Variants in CCDC91 observed in about 807,000 individuals in gnomAD.
CCDC91 encodes the protein coiled-coil domain-containing protein 91.
A neutral mutation model predicts 63.2 loss-of-function variants in CCDC91; 48 were observed. The ratio of observed to expected loss-of-function variants is 0.76; its 90% CI spans 0.60 to 0.97. The LOEUF (loss-of-function observed/expected upper bound fraction) is 0.97. Ranked by LOEUF, CCDC91 falls within the 50% of genes least tolerant of loss-of-function variation. The probability of loss-of-function intolerance (pLI) is 0.00; values close to 1 mark genes in which losing one functional copy is unlikely to be tolerated. For synonymous variants in CCDC91, 167 were observed against 165.8 expected (o/e 1.01, Z -0.06); for missense variants, 500 against 494.6 (o/e 1.01, Z -0.10).
At chr12:28,413,985 G>T (rs1016588378) in intron 8 of CCDC91, among the ~76,000 whole-genome samples, 1 of 152,144 alleles carries the variant, frequency 6.6e-6, no homozygotes, top group East Asian at 1.9e-4. Flanking sequence ...ACATTAAGAT[G>T]TTTGTCAATG....
At chr12:28,501,777 A>G (rs1453256050) in intron 12 of CCDC91, among the ~76,000 whole-genome samples, 6 of 151,806 alleles carry the variant, frequency 4.0e-5, no homozygotes, top group African/African-American at 1.5e-4. Context: ...TTTCAGAAGG[A>G]ATGGTACCAG....
chr12:28,516,795 C>T (rs1245014109), intron 12 of CCDC91, among the ~76,000 whole-genome samples: 3 of 151,820 alleles, frequency 2.0e-5, no homozygotes, highest in Non-Finnish European at 4.4e-5. Context: ...CCTGACATGT[C>T]AACCCTACTA....
intron 6 of CCDC91, among the ~76,000 whole-genome samples, chr12:28,317,379 C>G (rs191047719): frequency 2.6e-5 from 4 of 152,046 alleles, no homozygotes; most frequent in Non-Finnish European, 4.4e-5. Flanking sequence ...CACATGCTTT[C>G]CATGAGGATA....
rs73263487 is a variant in CCDC91 at position 28,357,198 on chromosome 12, A to G, written c.577-5240A>G. On this transcript the variant is annotated intron_variant, in intron 6 of 12. Coordinates refer to ENST00000536442, the MANE Select transcript of CCDC91 (RefSeq NM_018318.5). ...TTTTGGAAAGCACCTTTATTTGTTG[A>G]TTGTATGGTTCCTTGTTTACATGTG... Among the ~76,000 whole-genome samples the G allele has an allele frequency of 1.4e-3, 215 of 152,202 alleles. 1 individual carries two copies. Among genetic ancestry groups the G allele is most frequent in the African/African-American group, 5.0e-3 (206 of 41,542 alleles).
At chr12:28,498,109 T>C (rs1204535539) in intron 12 of CCDC91, among the ~76,000 whole-genome samples, 5 of 151,672 alleles carry the variant, frequency 3.3e-5, no homozygotes, top group Non-Finnish European at 7.4e-5. Context: ...ACTTTACATA[T>C]ACCTTTCTGC....
intron 6 of CCDC91, among the ~76,000 whole-genome samples, chr12:28,315,674 GTTAA>G (rs1939785654): frequency 2.0e-5 from 3 of 152,020 alleles, no homozygotes; most frequent in African/African-American, 7.2e-5. Flanking sequence ...GCTGACACCA[GTTAA>G]TTAATGTGTT....
intron 3 of CCDC91, among the ~76,000 whole-genome samples, chr12:28,273,270 T>C (rs1947913110): frequency 6.6e-6 from 1 of 152,224 alleles, no homozygotes. Flanking sequence ...TCCAAGTCTT[T>C]GCTATTGTGA....
At chr12:28,407,088 C>G (rs1356867908) in intron 8 of CCDC91, among the ~76,000 whole-genome samples, 1 of 152,118 alleles carries the variant, frequency 6.6e-6, no homozygotes, top group African/African-American at 2.4e-5. Context: ...CGTGTGCCAC[C>G]TCCCACCCCG....
At chr12:28,415,281 T>A (rs1947574424) in intron 8 of CCDC91, among the ~76,000 whole-genome samples, 1 of 151,948 alleles carries the variant, frequency 6.6e-6, no homozygotes, top group African/African-American at 2.4e-5. Context: ...TGGAGTGCAA[T>A]AGCACGATCT....
chr12:28,459,971 T>A (rs1403025537), intron 11 of CCDC91, among the ~76,000 whole-genome samples: 1 of 152,134 alleles, frequency 6.6e-6, no homozygotes, highest in Admixed American at 6.6e-5. Context: ...TAGAGGAAAT[T>A]TAACCTACTT....
At chr12:28,393,744 G>A (rs1270183590) in intron 8 of CCDC91, among the ~76,000 whole-genome samples, 1 of 152,118 alleles carries the variant, frequency 6.6e-6, no homozygotes, top group Non-Finnish European at 1.5e-5. Context: ...TCAGATTTCT[G>A]TACTTTTCTA....
At chr12:28,207,679 G>C (rs7973656) in intron 1 of CCDC91, among the ~76,000 whole-genome samples, 39,705 of 151,988 alleles carry the variant, frequency 0.26, 5,452 homozygotes, top group Non-Finnish European at 0.31. Context: ...ATGGAACATT[G>C]GTTATAAACT....
intron 6 of CCDC91, among the ~76,000 whole-genome samples, chr12:28,349,715 T>C (rs1943052164): frequency 6.6e-6 from 1 of 152,152 alleles, no homozygotes. Flanking sequence ...CCTTTATATT[T>C]ACTGTGGAAA....
At chr12:28,312,842 T>C (rs1939464648) in intron 6 of CCDC91, among the ~76,000 whole-genome samples, 1 of 152,046 alleles carries the variant, frequency 6.6e-6, no homozygotes, top group Non-Finnish European at 1.5e-5. Flanking sequence ...TCTCTTCTCT[T>C]GTCTGCTGCC....
At chr12:28,521,488 T>G (rs1280502855) in intron 12 of CCDC91, among the ~76,000 whole-genome samples, 1 of 152,180 alleles carries the variant, frequency 6.6e-6, no homozygotes, top group African/African-American at 2.4e-5. Context: ...ACGACGTGGT[T>G]TTCTAGATAT....
intron 1 of CCDC91, among the ~76,000 whole-genome samples, chr12:28,194,077 T>A (rs1280561043): frequency 6.6e-6 from 1 of 152,234 alleles, no homozygotes; most frequent in Non-Finnish European, 1.5e-5. Context: ...GTTTTTTCTC[T>A]TATGATTTGT....
chr12:28,208,183 C>T (rs1053332220), intron 1 of CCDC91, among the ~76,000 whole-genome samples: 15 of 152,116 alleles, frequency 9.9e-5, no homozygotes, highest in Admixed American at 3.9e-4. Context: ...TCCTGAAAGA[C>T]GCCATGCTTT....
At chr12:28,288,991 T>C (rs960226913) in intron 3 of CCDC91, among the ~76,000 whole-genome samples, 7 of 152,224 alleles carry the variant, frequency 4.6e-5, no homozygotes, top group African/African-American at 1.7e-4. Context: ...TAATATTCTC[T>C]AATGGTTCTT....
chr12:28,485,288 A>G (rs2140933506), intron 12 of CCDC91, among the ~76,000 whole-genome samples: 1 of 151,930 alleles, frequency 6.6e-6, no homozygotes, highest in South Asian at 2.1e-4. Flanking sequence ...CCTCCTGAGT[A>G]GCTGAAATTA....
Sources: allele counts gnomAD v4.1 joint callset (sites outside exome capture counted in the v4.1 genomes callset), GRCh38; gene constraint gnomAD v4.1.1; transcripts MANE v1.5; gene names NCBI Gene and HGNC (gene_info 2026-07-23, HGNC 2026-07-21).